Variants in TRABD2A observed in about 807,000 individuals in gnomAD.
TRABD2A encodes metalloprotease TIKI1.
Under a neutral mutation model 45.6 loss-of-function variants are expected in TRABD2A, and 43 were observed. The observed-to-expected ratio is 0.94, with a 90% CI of 0.74 to 1.22. The LOEUF is 1.22. TRABD2A is among the 50% of genes most tolerant of loss of function. TRABD2A has a pLI of 0.00. For missense variants in TRABD2A, 642 were observed against 652.4 expected, an observed-to-expected ratio of 0.98 and a Z score of 0.17; for synonymous variants, 269 against 265.0, an observed-to-expected ratio of 1.02 and a Z score of -0.15.
intron 1 of TRABD2A, among the ~76,000 whole-genome samples, chr2:84,875,762 C>G (rs1683005208): frequency 6.6e-6 from 1 of 152,136 alleles, no homozygotes; most frequent in African/African-American, 2.4e-5. Context: ...GTAATCCCAA[C>G]ACTTTGGGAA....
chr2:84,834,527 A>T (rs1335104841), intron 4 of TRABD2A: 1 of 152,436 alleles, frequency 6.6e-6, no homozygotes, highest in Non-Finnish European at 1.5e-5. Flanking sequence ...CATGACCACT[A>T]TCTAATTTTA....
rs1412957157 is a variant in TRABD2A, at chr2:84,830,330, G to C, written c.1082+1725C>G. Among the ~76,000 whole-genome samples, 1 of 152,186 alleles carries C rather than the reference G, an allele frequency of 6.6e-6. No individual in the cohort carries two copies. Among genetic ancestry groups the C allele is most frequent in the Non-Finnish European group, 1.5e-5 (1 of 68,028 alleles). On this transcript the variant is annotated intron_variant, in intron 5 of 6. Transcript: ENST00000409520. This position sits in a 1 kb window ranked among gnomAD's most constrained non-coding sequence, Gnocchi z 4.9. ...GGGCTCCTCAGAAGGGGGAAGTAGC[G>C]TCAGTAAAGGAGAGGCGGGGACGGG...
chr2:84,849,376 T>A (rs1192237404), intron 2 of TRABD2A: 1 of 152,226 alleles, frequency 6.6e-6, no homozygotes, highest in Non-Finnish European at 1.5e-5. Flanking sequence ...TTGCAACTCA[T>A]TCTCCACCAC....
rs758288319 is a variant in TRABD2A, at chr2:84,822,089, G to A, written c.1346C>T (p.Pro449Leu). The A allele has an allele frequency of 1.6e-5, 25 of 1,574,902 alleles. No individual in the cohort carries two copies. Among genetic ancestry groups the A allele is most frequent in the African/African-American group, 5.4e-5 (4 of 74,072 alleles). Residue 449 changes from proline to leucine, a missense_variant, in exon 7 of 7, where the codon CCG (proline) becomes CTG (leucine). Physicochemically the swap from Pro to Leu is moderately conservative, Grantham distance 98 (BLOSUM62 -3). Transcript: ENST00000409520. ...WVRLEESDIVPQLQVPVLDRH... is the reference protein window; with the variant it reads ...WVRLEESDIVLQLQVPVLDRH... Reference sequence around the variant, plus strand: ...GTCCAGGACAGGGACCTGGAGTTGCGGGACTATGTCACTAGGAGGCAAAGA... The same window carrying A: ...GTCCAGGACAGGGACCTGGAGTTGCAGGACTATGTCACTAGGAGGCAAAGA...
chr2:84,859,815 C>T (rs1682433014), intron 2 of TRABD2A, among the ~76,000 whole-genome samples: 1 of 152,186 alleles, frequency 6.6e-6, no homozygotes, highest in Non-Finnish European at 1.5e-5. Flanking sequence ...GCAGATGATG[C>T]TGATGCTGCC....
chr2:84,845,568 G>T (rs899999313), intron 2 of TRABD2A, among the ~76,000 whole-genome samples: 5 of 145,612 alleles, frequency 3.4e-5, no homozygotes, highest in African/African-American at 5.6e-5. Context: ...GGGAGACAAG[G>T]GCGGGGGAAG....
chr2:84,823,879 G>C, intron 6 of TRABD2A, 74 bp downstream of exon 6: 1 of 1,576,112 alleles, frequency 6.3e-7, no homozygotes, highest in Middle Eastern at 2.3e-4. Context: ...ATTGCAACCA[G>C]TGTGAGGGGC....
rs754883629 is a variant in TRABD2A, at chr2:84,821,924, A to G, written c.1511T>C (p.Leu504Pro). 8.1e-6 allele frequency: 13 copies of G among 1,598,908 alleles called. No homozygotes were observed. The highest frequency in any genetic ancestry group is 1.0e-5 in the Non-Finnish European group (12 of 1,172,378). ...LVLAFQTETP[L>P]L ...GCCTGGTGCTTCCAGTCGTTACAGG[A>G]GGGGTGTCTCTGTTTGGAAAGCCAG... Residue 504 changes from leucine to proline, a missense_variant, in exon 7 of 7, where the codon CTC becomes CCC. By Grantham distance (98) the Leu-to-Pro change is moderately conservative. Coordinates refer to ENST00000409520, the MANE Select transcript of TRABD2A (RefSeq NM_001277053.2).
chr2:84,854,073 A>G (rs1682187748), intron 2 of TRABD2A, among the ~76,000 whole-genome samples: 1 of 149,336 alleles, frequency 6.7e-6, no homozygotes, highest in Non-Finnish European at 1.5e-5. Context: ...TATATTATTT[A>G]TATTTGAAAA....
chr2:84,851,371 A>T (rs1682089653), intron 2 of TRABD2A, among the ~76,000 whole-genome samples: 1 of 152,232 alleles, frequency 6.6e-6, no homozygotes, highest in African/African-American at 2.4e-5. Flanking sequence ...CCAGTGGGTG[A>T]TGTCACCTTG....
At chr2:84,859,416 A>G (rs976821960) in intron 2 of TRABD2A, among the ~76,000 whole-genome samples, 5 of 152,250 alleles carry the variant, frequency 3.3e-5, no homozygotes, top group Admixed American at 6.5e-5. Flanking sequence ...CTTGCTCTCT[A>G]GAAGTTTATG....
intron 1 of TRABD2A, chr2:84,874,710 C>A: frequency 4.7e-6 from 1 of 211,818 alleles, no homozygotes; most frequent in South Asian, 8.5e-5. Context: ...GATCAGCCCC[C>A]CTGCGTCTGT....
chr2:84,857,278 G>C (rs1289819470), intron 2 of TRABD2A, among the ~76,000 whole-genome samples: 1 of 152,300 alleles, frequency 6.6e-6, no homozygotes. Flanking sequence ...TAAATGTCCA[G>C]CCTCTACCAA....
intron 5 of TRABD2A, among the ~76,000 whole-genome samples, chr2:84,829,395 CACACCA>C (rs1301088212): frequency 8.5e-5 from 12 of 141,516 alleles, no homozygotes; most frequent in African/African-American, 2.9e-4. Context: ...CACACACACA[CACACCA>C]CACACACCAC....
intron 2 of TRABD2A, among the ~76,000 whole-genome samples, chr2:84,866,499 A>T (rs368843257): frequency 2.0e-5 from 3 of 152,280 alleles, no homozygotes; most frequent in Non-Finnish European, 2.9e-5. Flanking sequence ...TTGAAAAAAA[A>T]TCTTTGTCTA....
intron 5 of TRABD2A, among the ~76,000 whole-genome samples, chr2:84,829,001 A>G (rs1413760463): frequency 6.6e-6 from 1 of 152,162 alleles, no homozygotes; most frequent in Non-Finnish European, 1.5e-5. Context: ...TAGGAAGTAA[A>G]AGGTGGGAGA....
At chr2:84,856,190 G>A (rs1185317034) in intron 2 of TRABD2A, among the ~76,000 whole-genome samples, 2 of 152,030 alleles carry the variant, frequency 1.3e-5, no homozygotes, top group African/African-American at 4.8e-5. Flanking sequence ...CATTCACCCA[G>A]ATAATTTTTT....
intron 1 of TRABD2A, among the ~76,000 whole-genome samples, chr2:84,877,206 A>T (rs1478780): frequency 0.069 from 10,496 of 151,922 alleles, 473 homozygotes; most frequent in Non-Finnish European, 0.094. Context: ...CCCACTGGCG[A>T]GCCCCCGGAC....
chr2:84,834,429 T>G (rs1681436195), intron 4 of TRABD2A: 1 of 152,254 alleles, frequency 6.6e-6, no homozygotes, highest in Non-Finnish European at 1.5e-5. Context: ...TTTATTAATA[T>G]TTGAATATAA....
Sources: allele counts gnomAD v4.1 joint callset (sites outside exome capture counted in the v4.1 genomes callset), GRCh38; gene constraint gnomAD v4.1.1; non-coding constraint Gnocchi (gnomAD v3.1); transcripts MANE v1.5; gene names NCBI Gene and HGNC (gene_info 2026-07-23, HGNC 2026-07-21).